The following NRXN3 variants were observed in gnomAD, a reference collection of about 807,000 sequenced individuals.
The protein encoded by NRXN3 is neurexin 3, also known as neurexin III.
A neutral mutation model predicts 137.6 loss-of-function variants in NRXN3; 32 were observed. The observed-to-expected ratio is 0.23, with a 90% CI of 0.18 to 0.31. NRXN3 has a LOEUF of 0.31. Ranked by LOEUF, NRXN3 falls within the 10% of genes least tolerant of loss-of-function variation. The pLI is 1.00. For synonymous variants in NRXN3, 798 were observed against 784.5 expected, an observed-to-expected ratio of 1.02 and a Z score of -0.29; for missense variants, 1,574 against 2,062.5, an observed-to-expected ratio of 0.76 and a Z score of 4.59.
intron 1 of NRXN3, among the ~76,000 whole-genome samples, chr14:78,197,882 T>C (rs1360521726): frequency 6.6e-6 from 1 of 152,198 alleles, no homozygotes; most frequent in Admixed American, 6.5e-5. Flanking sequence ...ACTTTATCCT[T>C]TTCTGTTGTC....
Position 78,310,282 on chromosome 14 carries a change from T to TTTC in NRXN3, c.757+12422_757+12423insTTC, listed in dbSNP as rs1555458924. Among the ~76,000 whole-genome samples, 10 of 123,970 alleles carry TTTC rather than the reference T, an allele frequency of 8.1e-5. 1 individual carries two copies. Among genetic ancestry groups the TTTC allele is most frequent in the Admixed American group, 1.7e-4 (2 of 11,968 alleles). 81.3% of individuals were successfully genotyped at this position (123,970 alleles called of 152,430 possible). On this transcript the variant is annotated intron_variant, in intron 4 of 20. Coordinates refer to ENST00000335750, the MANE Select transcript of NRXN3 (RefSeq NM_001330195.2). Reference sequence around the variant, plus strand: ...TGGCTTTTTTTTTTTTTTTTTTTTTTCCAGACAGTGAACATGTAGGTGAAG... The same window carrying TTTC: ...TGGCTTTTTTTTTTTTTTTTTTTTTTTTCCCAGACAGTGAACATGTAGGTGAAG...
chr14:79,773,888 T>C (rs1408222190), intron 19 of NRXN3, among the ~76,000 whole-genome samples: 2 of 151,182 alleles, frequency 1.3e-5, no homozygotes, highest in Admixed American at 1.3e-4. Context: ...TTAACCTCTC[T>C]CTCTGCTCAC....
At chr14:78,855,217 T>A (rs2099053862) in intron 10 of NRXN3, among the ~76,000 whole-genome samples, 1 of 151,872 alleles carries the variant, frequency 6.6e-6, no homozygotes, top group African/African-American at 2.4e-5. Context: ...TTTTTCTTCA[T>A]AAGGTTTATA....
intron 15 of NRXN3, among the ~76,000 whole-genome samples, chr14:79,131,050 C>G (rs2057391373): frequency 1.3e-5 from 2 of 152,206 alleles, no homozygotes; most frequent in Admixed American, 1.3e-4. Flanking sequence ...AAAAACTTCT[C>G]TGTAATGGTT....
At chr14:79,417,119 TG>T (rs1327891497) in intron 15 of NRXN3, among the ~76,000 whole-genome samples, 1 of 152,132 alleles carries the variant, frequency 6.6e-6, no homozygotes, top group Non-Finnish European at 1.5e-5. Flanking sequence ...CTCTGTAACT[TG>T]GTTTCCTCGT....
intron 19 of NRXN3, among the ~76,000 whole-genome samples, chr14:79,746,879 C>A (rs1319318624): frequency 6.6e-6 from 1 of 152,144 alleles, no homozygotes; most frequent in Non-Finnish European, 1.5e-5. Context: ...TAGACAGTTA[C>A]TTCTTAAAGA....
chr14:79,867,739 C>T lies in NRXN3; in HGVS notation c.*5775C>T, dbSNP rs2099418607. On this transcript the variant is annotated 3_prime_UTR_variant, in exon 21 of 21. Transcript: ENST00000335750. The stretch of plus-strand genomic sequence containing the variant: ...AATCAGAATTGGGAAGCAATTCTAA[C>T]CTTTTTGAAGTGGTTACATGGCCCA... The T allele has an allele frequency of 6.6e-6, 1 of 152,084 alleles. No homozygotes were observed. Among genetic ancestry groups the T allele is most frequent in the South Asian group, 2.1e-4 (1 of 4,830 alleles). The allele number at this position is 152,084 out of a possible 1,614,324, so 9.4% of individuals were successfully genotyped here.
intron 15 of NRXN3, among the ~76,000 whole-genome samples, chr14:79,324,561 T>G (rs1174570434): frequency 6.6e-6 from 1 of 152,200 alleles, no homozygotes; most frequent in Non-Finnish European, 1.5e-5. Flanking sequence ...AGAGAAAATA[T>G]GCACTATGTT....
chr14:78,997,632 TC>T (rs2099532738), intron 15 of NRXN3, among the ~76,000 whole-genome samples: 1 of 152,242 alleles, frequency 6.6e-6, no homozygotes, highest in African/African-American at 2.4e-5. Flanking sequence ...TCCTCTACTT[TC>T]TTTTTAGGGA....
intron 15 of NRXN3, among the ~76,000 whole-genome samples, chr14:79,080,500 TC>T (rs1568219054): frequency 6.6e-6 from 1 of 150,636 alleles, no homozygotes; most frequent in South Asian, 2.1e-4. Context: ...CACACACTTT[TC>T]CCCCAGAGTG....
chr14:79,751,784 G>T (rs1307821524), intron 19 of NRXN3, among the ~76,000 whole-genome samples: 1 of 151,756 alleles, frequency 6.6e-6, no homozygotes. Flanking sequence ...AGCATGAAGG[G>T]CTGTTGAATT....
At chr14:79,812,418 G>T (rs996796001) in intron 20 of NRXN3, among the ~76,000 whole-genome samples, 3 of 152,014 alleles carry the variant, frequency 2.0e-5, no homozygotes, top group African/African-American at 7.3e-5. Context: ...AAACAATGAG[G>T]ACAATGAATG....
At chr14:79,099,408 A>G (rs2050884686) in intron 15 of NRXN3, among the ~76,000 whole-genome samples, 1 of 152,110 alleles carries the variant, frequency 6.6e-6, no homozygotes, top group South Asian at 2.1e-4. Context: ...AAAGCAAGAC[A>G]CTTCTGAGAG....
intron 10 of NRXN3, among the ~76,000 whole-genome samples, chr14:78,919,834 T>C (rs2099266245): frequency 6.6e-6 from 1 of 152,208 alleles, no homozygotes. Context: ...TTTGAAGCTT[T>C]CAAAATTAAC....
intron 4 of NRXN3, among the ~76,000 whole-genome samples, chr14:78,483,849 T>A (rs2095511785): frequency 6.6e-6 from 1 of 152,026 alleles, no homozygotes; most frequent in Non-Finnish European, 1.5e-5. Flanking sequence ...CTTACCAAGG[T>A]TACAAACTAA....
intron 6 of NRXN3, among the ~76,000 whole-genome samples, chr14:78,704,806 T>G (rs1439847772): frequency 1.3e-5 from 2 of 152,202 alleles, no homozygotes; most frequent in Non-Finnish European, 2.9e-5. Flanking sequence ...TTATTGTGTA[T>G]GATATAAAAC....
chr14:79,273,230 C>T (rs907250048), intron 15 of NRXN3, among the ~76,000 whole-genome samples: 26 of 150,268 alleles, frequency 1.7e-4, no homozygotes, highest in Non-Finnish European at 5.9e-5. Flanking sequence ...TTACTCCCTG[C>T]CCTGGAGATT....
At chr14:79,369,297 C>T (rs2094006751) in intron 15 of NRXN3, among the ~76,000 whole-genome samples, 1 of 152,104 alleles carries the variant, frequency 6.6e-6, no homozygotes, top group South Asian at 2.1e-4. Flanking sequence ...TTCTTCCGTC[C>T]ATTCTATTTT....
chr14:78,846,462 T>C (rs1327678410), intron 10 of NRXN3, among the ~76,000 whole-genome samples: 2 of 152,142 alleles, frequency 1.3e-5, no homozygotes, highest in Non-Finnish European at 2.9e-5. Context: ...TGTTATGGGA[T>C]TTAAATACCA....
Sources: allele counts gnomAD v4.1 joint callset (sites outside exome capture counted in the v4.1 genomes callset), GRCh38; gene constraint gnomAD v4.1.1; transcripts MANE v1.5; gene names NCBI Gene and HGNC (gene_info 2026-07-23, HGNC 2026-07-21).